OPHN1: variants seen among roughly 807,000 people sequenced by gnomAD.
OPHN1 encodes oligophrenin-1.
A neutral mutation model predicts 60.7 loss-of-function variants in OPHN1; 11 were observed. That is an observed-to-expected ratio of 0.18 (90% CI 0.11 to 0.30). The LOEUF (loss-of-function observed/expected upper bound fraction) is 0.30. Among genes scored for constraint, OPHN1 ranks in the 10% least tolerant of loss-of-function variants. The pLI is 1.00. For synonymous variants in OPHN1, 226 were observed against 222.6 expected (o/e 1.02, Z -0.14); for missense variants, 449 against 611.0 (o/e 0.73, Z 2.80).
At chrX:68,112,753 A>G (rs1450687475) in intron 17 of OPHN1, among the ~76,000 whole-genome samples, 2 of 112,052 alleles carry the variant, frequency 1.8e-5, no homozygotes, top group Admixed American at 9.5e-5. Context: ...TGATGCTGGC[A>G]CTAACAGATT....
At chrX:68,317,380 G>GAAAGAAAGA (rs397961005) in intron 2 of OPHN1, among the ~76,000 whole-genome samples, 652 of 25,920 alleles carry the variant, frequency 0.025, 7 homozygotes, top group East Asian at 0.059. Context: ...AGAAAGAAAG[G>GAAAGAAAGA]AAGGAAGGAA....
At chrX:68,347,220 G>A (rs1020230780) in intron 2 of OPHN1, among the ~76,000 whole-genome samples, 3 of 111,316 alleles carry the variant, frequency 2.7e-5, no homozygotes, top group Admixed American at 1.9e-4. Context: ...TCAGTAAAAT[G>A]GGGCTGCACT....
chrX:68,052,283 C>A (rs1488473517), intron 23 of OPHN1, among the ~76,000 whole-genome samples: 1 of 77,984 alleles, frequency 1.3e-5, no homozygotes, highest in Non-Finnish European at 2.3e-5. Context: ...GAGTGAGACA[C>A]CATCTCAAAA....
At chrX:68,095,547 G>A (rs914198084) in intron 19 of OPHN1, among the ~76,000 whole-genome samples, 1 of 111,620 alleles carries the variant, frequency 9.0e-6, no homozygotes, top group African/African-American at 3.3e-5. Flanking sequence ...TCTCAAATGC[G>A]ACCTGTTCCA....
At chrX:68,363,899 G>A in intron 2 of OPHN1, among the ~76,000 whole-genome samples, 1 of 111,087 alleles carries the variant, frequency 9.0e-6, no homozygotes, top group African/African-American at 3.3e-5. Context: ...GTTGGGTGAT[G>A]AATCTAGAGG....
chrX:68,365,878 C>A (rs1467378769), intron 2 of OPHN1, among the ~76,000 whole-genome samples: 1 of 104,983 alleles, frequency 9.5e-6, no homozygotes, highest in Non-Finnish European at 1.9e-5. Flanking sequence ...AGTGACTATC[C>A]AAGGTCTCAT....
intron 15 of OPHN1, among the ~76,000 whole-genome samples, chrX:68,185,498 A>T (rs976389690): frequency 1.6e-4 from 18 of 111,730 alleles, no homozygotes; most frequent in African/African-American, 5.9e-4. Context: ...CCCAGATGAC[A>T]GCTACATTTG....
chrX:68,332,235 CT>C (rs751255057), intron 2 of OPHN1, among the ~76,000 whole-genome samples: 6 of 109,904 alleles, frequency 5.5e-5, no homozygotes, highest in Non-Finnish European at 9.5e-5. Context: ...AGGCAGAGAA[CT>C]TTTTTTTTCA....
chrX:68,377,915 G>A (rs1278368660), intron 2 of OPHN1, among the ~76,000 whole-genome samples: 3 of 111,822 alleles, frequency 2.7e-5, no homozygotes, highest in Admixed American at 9.6e-5. Context: ...CTTTATAGCA[G>A]CATGATTTAT....
chrX:68,083,974 CA>C (rs1240124417), intron 19 of OPHN1, among the ~76,000 whole-genome samples: 1 of 110,353 alleles, frequency 9.1e-6, no homozygotes, highest in African/African-American at 3.3e-5. Flanking sequence ...TCACTGAACG[CA>C]TATCACCACA....
chrX:68,238,128 C>T (rs1228965770), intron 5 of OPHN1, among the ~76,000 whole-genome samples: 2 of 111,547 alleles, frequency 1.8e-5, no homozygotes, highest in African/African-American at 3.2e-5. Flanking sequence ...GCCCTTCATC[C>T]GCCTGGAATT....
intron 2 of OPHN1, among the ~76,000 whole-genome samples, chrX:68,370,618 T>A (rs1163052990): frequency 8.9e-6 from 1 of 112,244 alleles, no homozygotes; most frequent in East Asian, 2.8e-4. Flanking sequence ...ATTATCGAAC[T>A]TTTTGTTTAT....
At chrX:68,120,332 C>T (rs1169229991) in intron 15 of OPHN1, among the ~76,000 whole-genome samples, 1 of 111,522 alleles carries the variant, frequency 9.0e-6, no homozygotes, top group Non-Finnish European at 1.9e-5. Flanking sequence ...CTCTATCAGT[C>T]GCATTTCTAC....
chrX:68,316,097 T>C (rs1048219175), intron 2 of OPHN1, among the ~76,000 whole-genome samples: 1 of 111,223 alleles, frequency 9.0e-6, no homozygotes, highest in African/African-American at 3.3e-5. Context: ...GGGCATTACA[T>C]AATGTTAAAA....
chrX:68,105,666 G>T (rs976690841), intron 18 of OPHN1, among the ~76,000 whole-genome samples: 2 of 106,432 alleles, frequency 1.9e-5, no homozygotes, highest in Non-Finnish European at 3.9e-5. Flanking sequence ...GGGGGGTGGG[G>T]GGCTAGGGGA....
At chrX:68,192,785 G>A (rs1012659429) in intron 15 of OPHN1, 134 bp downstream of exon 15, 8 of 540,409 alleles carry the variant, frequency 1.5e-5, no homozygotes, top group Non-Finnish European at 2.5e-5. Flanking sequence ...GCAAGTATGT[G>A]TATGTTTTAC....
At chrX:68,334,855 A>G (rs926761266) in intron 2 of OPHN1, among the ~76,000 whole-genome samples, 1 of 109,701 alleles carries the variant, frequency 9.1e-6, no homozygotes, top group African/African-American at 3.3e-5. Flanking sequence ...GCATGCCTGT[A>G]GTCCCAGCTA....
intron 5 of OPHN1, among the ~76,000 whole-genome samples, chrX:68,267,046 G>C (rs1012253819): frequency 1.8e-5 from 2 of 111,365 alleles, no homozygotes; most frequent in East Asian, 2.8e-4. Flanking sequence ...TAGAGATCGA[G>C]AAAGAGACTT....
chrX:68,414,370 G>C (rs1013426276), intron 2 of OPHN1, among the ~76,000 whole-genome samples: 6 of 111,551 alleles, frequency 5.4e-5, no homozygotes, highest in Non-Finnish European at 1.1e-4. Flanking sequence ...TATGGGTAAG[G>C]CTGTGTGACT....
Sources: allele counts gnomAD v4.1 joint callset (sites outside exome capture counted in the v4.1 genomes callset), GRCh38; gene constraint gnomAD v4.1.1; transcripts MANE v1.5; gene names NCBI Gene and HGNC (gene_info 2026-07-23, HGNC 2026-07-21).